The following TGFBR1 variants were observed in gnomAD, a reference collection of about 807,000 sequenced individuals.
The protein encoded by TGFBR1 is TGF-beta receptor type-1.
In TGFBR1, 20 loss-of-function variants were observed where a neutral mutation model predicts 55.1. That is an observed-to-expected ratio of 0.36 (90% CI 0.26 to 0.53). TGFBR1 has a LOEUF of 0.53. Ranked by LOEUF, TGFBR1 falls within the 20% of genes least tolerant of loss-of-function variation. The pLI, the probability that TGFBR1 is intolerant of heterozygous loss-of-function variation, is 0.91. For missense variants in TGFBR1, 385 were observed against 617.6 expected (o/e 0.62, Z 3.99); for synonymous variants, 220 against 214.8 (o/e 1.02, Z -0.21).
upstream of TGFBR1, among the ~76,000 whole-genome samples, chr9:99,103,826 G>A (rs570155479): frequency 1.8e-4 from 27 of 152,238 alleles, 1 homozygote; most frequent in Middle Eastern, 0.017. Flanking sequence ...TTCATCTCCC[G>A]GAAGGAAGCC....
intron 1 of TGFBR1, among the ~76,000 whole-genome samples, chr9:99,114,136 T>C (rs1471274267): frequency 6.6e-6 from 1 of 152,228 alleles, no homozygotes; most frequent in Non-Finnish European, 1.5e-5. Context: ...TATCCATTGA[T>C]TGGCTTTTAT....
chr9:99,140,675 T>A (rs1827588244), intron 4 of TGFBR1, among the ~76,000 whole-genome samples: 1 of 152,228 alleles, frequency 6.6e-6, no homozygotes, highest in African/African-American at 2.4e-5. Context: ...CTTACTCTTC[T>A]CACTGGTTCA....
At chr9:99,145,764 A>AT (rs1827774732) in intron 6 of TGFBR1, 2 of 152,506 alleles carry the variant, frequency 1.3e-5, no homozygotes, top group African/African-American at 2.4e-5. Flanking sequence ...CTGTCACAGC[A>AT]TTTTTTCAAA....
intron 1 of TGFBR1, chr9:99,127,871 G>A: frequency 2.2e-6 from 1 of 450,658 alleles, no homozygotes; most frequent in South Asian, 1.6e-5. Context: ...GATTCAACAA[G>A]TATTTTTTGA....
chr9:99,114,193 A>G (rs1421102345), intron 1 of TGFBR1, among the ~76,000 whole-genome samples: 1 of 152,226 alleles, frequency 6.6e-6, no homozygotes, highest in Non-Finnish European at 1.5e-5. Context: ...AAATAATAGC[A>G]AATTCAGTAA....
At position 99,147,787 on chromosome 9, in the gene TGFBR1, G is replaced by T; in HGVS notation, c.1386+3G>T. On this transcript the variant is annotated splice_donor_region_variant and intron_variant, in intron 8 of 8. Coordinates refer to ENST00000374994, the MANE Select transcript of TGFBR1 (RefSeq NM_004612.4). ...CAAACAGATGGCAGAGCTGTGAAGT[G>T]AGTATTTCTTTTTGATATTAGGCAA... 6.2e-7 allele frequency: 1 copy of T among 1,613,662 alleles called. No homozygotes were observed. The highest frequency in any genetic ancestry group is 1.1e-5 in the South Asian group (1 of 91,050).
Position 99,106,167 on chromosome 9 carries a change from A to G in TGFBR1, c.97+865A>G, listed in dbSNP as rs573365158. Reference sequence around the variant, plus strand: ...CTTTTTATTTCCTCGAAGGAACATCACTCACGTTGTTCCTTTTCTTGAGTG... The same window carrying G: ...CTTTTTATTTCCTCGAAGGAACATCGCTCACGTTGTTCCTTTTCTTGAGTG... On this transcript the variant is annotated intron_variant, in intron 1 of 8. Coordinates refer to ENST00000374994, the MANE Select transcript of TGFBR1 (RefSeq NM_004612.4). Among the ~76,000 whole-genome samples the G allele has an allele frequency of 7.2e-5, 11 of 152,334 alleles. No individual in the cohort carries two copies. In the South Asian group the frequency reaches 8.3e-4, roughly 11 times the overall value.
chr9:99,111,119 TC>T (rs1196966345), intron 1 of TGFBR1, among the ~76,000 whole-genome samples: 1 of 152,170 alleles, frequency 6.6e-6, no homozygotes, highest in Non-Finnish European at 1.5e-5. Context: ...ATTTGAATCT[TC>T]CTGACGAGTC....
intron 1 of TGFBR1, among the ~76,000 whole-genome samples, chr9:99,115,596 G>T (rs900753862): frequency 6.6e-6 from 1 of 152,096 alleles, no homozygotes; most frequent in Non-Finnish European, 1.5e-5. Context: ...GCAAGCACAC[G>T]ATATATGTAT....
rs374894747 is a variant in TGFBR1 at position 99,142,491 on chromosome 9, A to T, written c.806-45A>T. 7.5e-6 allele frequency: 12 copies of T among 1,609,786 alleles called. No homozygotes were observed. In the Admixed American group the frequency reaches 2.0e-4, roughly 27 times the overall value. ...GTAATAACCATTGAACAAATAAATC[A>T]TAAATGGTCTGCAGCCCAACCGAAA... On this transcript the variant is annotated intron_variant, in intron 4 of 8. Transcript: ENST00000374994.
chr9:99,119,820 A>T (rs1826847312), intron 1 of TGFBR1, among the ~76,000 whole-genome samples: 1 of 152,190 alleles, frequency 6.6e-6, no homozygotes, highest in South Asian at 2.1e-4. Context: ...AATATTTATG[A>T]AGGAGAAAGA....
intron 2 of TGFBR1, among the ~76,000 whole-genome samples, chr9:99,129,982 A>G (rs1827171061): frequency 6.6e-6 from 1 of 152,196 alleles, no homozygotes; most frequent in Non-Finnish European, 1.5e-5. Flanking sequence ...TAATTTTAAG[A>G]TTCCGGTTTA....
intron 8 of TGFBR1, among the ~76,000 whole-genome samples, chr9:99,148,831 CAA>C (rs71899356): frequency 3.7e-4 from 37 of 99,540 alleles, no homozygotes; most frequent in Admixed American, 4.1e-4. Flanking sequence ...GACCCTGTCT[CAA>C]AAAAAAAAAA....
Position 99,151,774 on chromosome 9 carries a change from T to C in TGFBR1, c.*2469T>C. On this transcript the variant is annotated 3_prime_UTR_variant, in exon 9 of 9. Transcript: ENST00000374994. Reference sequence around the variant, plus strand: ...GATGGTTTGATAAACCACAATTGGCTGATATTGAAAATGAAAGAAACTTAA... The same window carrying C: ...GATGGTTTGATAAACCACAATTGGCCGATATTGAAAATGAAAGAAACTTAA... 4.6e-6 allele frequency: 1 copy of C among 218,074 alleles called. No homozygotes were observed. The highest frequency in any genetic ancestry group is 9.2e-6 in the Non-Finnish European group (1 of 108,136). 13.5% of individuals were successfully genotyped at this position (218,074 alleles called of 1,614,324 possible). A position where few individuals can be genotyped will look rare whatever the true frequency, so the allele number is the denominator to read the frequency against.
chr9:99,116,673 A>AC (rs556029006), intron 1 of TGFBR1, among the ~76,000 whole-genome samples: 1 of 151,860 alleles, frequency 6.6e-6, no homozygotes, highest in Non-Finnish European at 1.5e-5. Context: ...TTAATAACCA[A>AC]CCCCCCACTT....
Position 99,132,722 on chromosome 9 carries a change from C to A in TGFBR1, c.557C>A (p.Thr186Lys), listed in dbSNP as rs144313652. Residue 186 changes from threonine to lysine, a missense_variant, in exon 3 of 9, where the codon ACG (threonine) becomes AAG (lysine). Thr to Lys is a moderately conservative substitution (Grantham distance 78). This residue lies in a region of TGFBR1 where 146 missense variants were observed against 167.7 expected (regional missense o/e 0.87). Transcript: ENST00000374994. ...TLKDLIYDMTTSGSGSGLPLL... is the reference protein window; with the variant it reads ...TLKDLIYDMTKSGSGSGLPLL... ...AAAGACTTAATTTATGATATGACAA[C>A]GTCAGGTTCTGGCTCAGGTAACATA... 6.2e-7 allele frequency: 1 copy of A among 1,614,122 alleles called. No individual in the cohort carries two copies. Among genetic ancestry groups the A allele is most frequent in the Admixed American group, 1.7e-5 (1 of 60,014 alleles).
chr9:99,111,295 C>CTTTTTTT lies in TGFBR1; in HGVS notation c.97+6017_97+6023dup, dbSNP rs3034196. 1.3e-3 allele frequency among the ~76,000 whole-genome samples: 69 copies of CTTTTTTT among 55,152 alleles called. 7 individuals carry two copies. Among genetic ancestry groups the CTTTTTTT allele is most frequent in the Middle Eastern group, 0.023 (1 of 44 alleles). 36.2% of individuals were successfully genotyped at this position (55,152 alleles called of 152,430 possible). On this transcript the variant is annotated intron_variant, in intron 1 of 8. Coordinates refer to ENST00000374994, the MANE Select transcript of TGFBR1 (RefSeq NM_004612.4). ...ACATTTGGCATATCCTGCACCCATGCTTTTTTTTTTTTTTTTTTTTTTTTT... is the reference window on the plus strand; with the variant it reads ...ACATTTGGCATATCCTGCACCCATGCTTTTTTTTTTTTTTTTTTTTTTTTTTTTTTTT...
At chr9:99,112,005 G>A (rs556879443) in intron 1 of TGFBR1, among the ~76,000 whole-genome samples, 25 of 152,212 alleles carry the variant, frequency 1.6e-4, no homozygotes, top group Non-Finnish European at 3.2e-4. Context: ...TTCTTGGCTG[G>A]AGAGGATGGC....
chr9:99,148,343 CT>C (rs1827867249), intron 8 of TGFBR1, among the ~76,000 whole-genome samples: 3 of 152,310 alleles, frequency 2.0e-5, no homozygotes, highest in Non-Finnish European at 4.4e-5. Context: ...TCAACTTCAG[CT>C]CTAACAAAAA....
Sources: gnomAD v4.1 joint callset for allele counts (sites outside exome capture counted in the v4.1 genomes callset) on GRCh38, gnomAD v4.1.1 for gene constraint, gnomAD v4.1.1 regional missense constraint, MANE v1.5 for transcripts, NCBI Gene and HGNC (gene_info 2026-07-23, HGNC 2026-07-21) for gene names.